OPCML: variants seen among roughly 807,000 people sequenced by gnomAD.
OPCML encodes the protein opioid-binding protein/cell adhesion molecule.
A neutral mutation model predicts 37.8 loss-of-function variants in OPCML; 13 were observed. That is an observed-to-expected ratio of 0.34 (90% CI 0.22 to 0.55). The LOEUF (loss-of-function observed/expected upper bound fraction) is 0.55, where lower values mean the gene tolerates loss of function less well. OPCML is among the 20% of genes least tolerant of loss of function. OPCML has a pLI of 0.91. For synonymous variants in OPCML, 176 were observed against 168.8 expected (o/e 1.04, Z -0.33); for missense variants, 341 against 435.6 (o/e 0.78, Z 1.93).
chr11:132,577,917 C>T (rs1271128576), intron 3 of OPCML, among the ~76,000 whole-genome samples: 1 of 152,114 alleles, frequency 6.6e-6, no homozygotes, highest in Non-Finnish European at 1.5e-5. Flanking sequence ...ATCAGCCATG[C>T]TCATAGTTAT....
chr11:132,574,302 C>T (rs1258362814), intron 3 of OPCML, among the ~76,000 whole-genome samples: 7 of 136,666 alleles, frequency 5.1e-5, no homozygotes, highest in African/African-American at 2.2e-4. Flanking sequence ...TAAACCTGGG[C>T]TTGATTTGTT....
chr11:132,618,550 C>T (rs1014357703), intron 3 of OPCML, among the ~76,000 whole-genome samples: 2 of 152,112 alleles, frequency 1.3e-5, no homozygotes, highest in Non-Finnish European at 2.9e-5. Context: ...TTCACCTTCA[C>T]TACCCAACAA....
intron 2 of OPCML, among the ~76,000 whole-genome samples, chr11:132,910,252 CT>C (rs1944383066): frequency 7.2e-6 from 1 of 138,778 alleles, no homozygotes; most frequent in South Asian, 2.4e-4. Flanking sequence ...TACAGCAGGG[CT>C]GGGGGTAGGG....
intron 1 of OPCML, among the ~76,000 whole-genome samples, chr11:133,493,648 G>C (rs991889225): frequency 6.6e-6 from 1 of 151,676 alleles, no homozygotes; most frequent in African/African-American, 2.4e-5. Context: ...GCATTTAGTG[G>C]ACATCATTGC....
chr11:132,824,716 T>C (rs181281550), intron 2 of OPCML, among the ~76,000 whole-genome samples: 1 of 152,268 alleles, frequency 6.6e-6, no homozygotes, highest in Admixed American at 6.5e-5. Flanking sequence ...AATAAGAGTA[T>C]TCACCTTCAA....
chr11:132,877,883 G>C (rs1271559299), intron 2 of OPCML, among the ~76,000 whole-genome samples: 1 of 152,130 alleles, frequency 6.6e-6, no homozygotes, highest in Non-Finnish European at 1.5e-5. Context: ...CTAGAAGCTT[G>C]TTTCTAATTG....
intron 1 of OPCML, among the ~76,000 whole-genome samples, chr11:133,151,760 C>G (rs559477132): frequency 4.6e-5 from 7 of 152,050 alleles, no homozygotes; most frequent in South Asian, 2.1e-4. Flanking sequence ...TAGGGCTTCT[C>G]GAGAGAAGAG....
intron 3 of OPCML, among the ~76,000 whole-genome samples, chr11:132,626,944 A>T (rs936186835): frequency 1.4e-4 from 21 of 150,258 alleles, no homozygotes; most frequent in Non-Finnish European, 2.4e-4. Context: ...AGCTTTAAAA[A>T]ATCATTTTTC....
At chr11:132,890,922 C>T (rs752071587) in intron 2 of OPCML, among the ~76,000 whole-genome samples, 17 of 144,220 alleles carry the variant, frequency 1.2e-4, no homozygotes, top group Non-Finnish European at 2.6e-4. Context: ...ATACAAGAAA[C>T]AAAGTCAGAG....
chr11:132,666,975 G>A (rs1942254257), intron 2 of OPCML, among the ~76,000 whole-genome samples: 1 of 152,204 alleles, frequency 6.6e-6, no homozygotes, highest in Non-Finnish European at 1.5e-5. Context: ...CTATAGATGT[G>A]AGAGTACAGT....
intron 3 of OPCML, among the ~76,000 whole-genome samples, chr11:132,531,336 C>T (rs1591514460): frequency 6.6e-6 from 1 of 152,186 alleles, no homozygotes; most frequent in Non-Finnish European, 1.5e-5. Context: ...GTGGAGGCTC[C>T]AAGCCTGCAG....
chr11:132,729,298 TG>T (rs1182449161), intron 2 of OPCML, among the ~76,000 whole-genome samples: 1 of 152,186 alleles, frequency 6.6e-6, no homozygotes, highest in Non-Finnish European at 1.5e-5. Flanking sequence ...CCCTCATGAA[TG>T]GATGTTTAAC....
chr11:133,265,672 C>T (rs1025818608), intron 1 of OPCML, among the ~76,000 whole-genome samples: 1 of 152,162 alleles, frequency 6.6e-6, no homozygotes, highest in African/African-American at 2.4e-5. Flanking sequence ...CTCAGCATCC[C>T]TCCTCCCGTC....
chr11:132,475,387 C>T (rs1267456357), intron 4 of OPCML, among the ~76,000 whole-genome samples: 2 of 152,188 alleles, frequency 1.3e-5, no homozygotes, highest in Admixed American at 1.3e-4. Context: ...ATGGGCTGAA[C>T]TGTAACTGTG....
chr11:133,152,811 C>A (rs180911936), intron 1 of OPCML, among the ~76,000 whole-genome samples: 1 of 151,998 alleles, frequency 6.6e-6, no homozygotes, highest in Middle Eastern at 3.5e-3. Flanking sequence ...TAAGCCGAAG[C>A]CCCAGCACGC....
intron 1 of OPCML, among the ~76,000 whole-genome samples, chr11:133,143,114 G>A (rs749709462): frequency 1.3e-5 from 2 of 152,138 alleles, no homozygotes; most frequent in African/African-American, 2.4e-5. Context: ...GAGTGTAGCT[G>A]GATGTTGGAT....
intron 1 of OPCML, among the ~76,000 whole-genome samples, chr11:133,459,903 G>A (rs891607014): frequency 6.6e-6 from 1 of 152,050 alleles, no homozygotes; most frequent in East Asian, 1.9e-4. Flanking sequence ...ACTTCACCCA[G>A]CAACAACAGA....
At chr11:132,860,866 A>G (rs1942272578) in intron 2 of OPCML, 1 of 152,238 alleles carries the variant, frequency 6.6e-6, no homozygotes, top group South Asian at 2.1e-4. Context: ...GACATAATAG[A>G]AGGCATTCAG....
At chr11:132,908,956 C>G (rs933219500) in intron 2 of OPCML, among the ~76,000 whole-genome samples, 2 of 152,212 alleles carry the variant, frequency 1.3e-5, no homozygotes, top group South Asian at 4.1e-4. Context: ...ACCAGAATCA[C>G]AGGTTCCTCA....
Sources: gnomAD v4.1 joint callset for allele counts (sites outside exome capture counted in the v4.1 genomes callset) on GRCh38, gnomAD v4.1.1 for gene constraint, MANE v1.5 for transcripts, NCBI Gene and HGNC (gene_info 2026-07-23, HGNC 2026-07-21) for gene names.